TEPSIN: variants seen among roughly 807,000 people sequenced by gnomAD.
The protein encoded by TEPSIN is AP-4 complex accessory subunit tepsin.
A neutral mutation model predicts 48.5 loss-of-function variants in TEPSIN; 50 were observed. That is an observed-to-expected ratio of 1.03 (90% CI 0.82 to 1.31). The LOEUF is 1.31. TEPSIN is among the 50% of genes most tolerant of loss of function. TEPSIN has a pLI of 0.00. For missense variants in TEPSIN, 838 were observed against 815.9 expected (o/e 1.03, Z -0.33); for synonymous variants, 392 against 358.8 (o/e 1.09, Z -1.05).
Position 81,228,889 on chromosome 17 carries a change from A to G in TEPSIN, c.*39T>C. On this transcript the variant is annotated 3_prime_UTR_variant, in exon 13 of 13. Transcript: ENST00000637944. Reference sequence around the variant, plus strand: ...TCAGGAAGCACAGACCGCCCCAGACAGCAGCTGAAGCTGAAGACTCCAGGG... The same window carrying G: ...TCAGGAAGCACAGACCGCCCCAGACGGCAGCTGAAGCTGAAGACTCCAGGG... The G allele has an allele frequency of 6.2e-7, 1 of 1,609,178 alleles. No individual in the cohort carries two copies. The highest frequency in any genetic ancestry group is 8.5e-7 in the Non-Finnish European group (1 of 1,178,862).
At chr17:81,232,155 C>T (rs2062627695) in intron 8 of TEPSIN, 134 bp from the exon 9 acceptor site, 2 of 1,331,240 alleles carry the variant, frequency 1.5e-6, no homozygotes, top group African/African-American at 1.5e-5. Flanking sequence ...TTGGCTCCAG[C>T]TTCAGCAAAC....
chr17:81,232,161 C>G, intron 8 of TEPSIN, 140 bp from the exon 9 acceptor site: 1 of 1,322,958 alleles, frequency 7.6e-7, no homozygotes, highest in African/African-American at 1.5e-5. Context: ...CCAGCTTCAG[C>G]AAACACCAGC....
Position 81,230,495 on chromosome 17 carries a change from C to A in TEPSIN, c.1233+49G>T. 1 of 1,602,904 alleles carries A rather than the reference C, an allele frequency of 6.2e-7. No individual in the cohort carries two copies. Among genetic ancestry groups the A allele is most frequent in the Non-Finnish European group, 8.5e-7 (1 of 1,176,802 alleles). On this transcript the variant is annotated intron_variant, in intron 12 of 12. Coordinates refer to ENST00000637944, the MANE Select transcript of TEPSIN (RefSeq NM_001363764.2). The surrounding 1 kb of genome is among the most constrained non-coding windows in gnomAD (Gnocchi z 4.2). ...TGGCCGTGGACTGCAGCGTATCTCC[C>A]ACTGTACCCTTGGACCCCGGTGTGC...
rs1236132928 is a variant in TEPSIN at position 81,230,208 on chromosome 17, G to C, written c.1233+336C>G. ...TGAGCTGTGTCATGGGTGGCAAACT[G>C]CATGTGCAGTCAGGGAGGGCTTCCT... On this transcript the variant is annotated intron_variant, in intron 12 of 12. Coordinates refer to ENST00000637944, the MANE Select transcript of TEPSIN (RefSeq NM_001363764.2). This position sits in a 1 kb window ranked among gnomAD's most constrained non-coding sequence, Gnocchi z 4.2. 1 of 327,736 alleles carries C rather than the reference G, an allele frequency of 3.1e-6. No homozygotes were observed. The highest frequency in any genetic ancestry group is 7.1e-5 in the East Asian group (1 of 14,096). The allele number at this position is 327,736 out of a possible 1,614,324, so 20.3% of individuals were successfully genotyped here.
intron 4 of TEPSIN, among the ~76,000 whole-genome samples, chr17:81,235,309 C>T (rs900919011): frequency 4.6e-5 from 7 of 152,206 alleles, no homozygotes; most frequent in Admixed American, 2.0e-4. Context: ...CTCTTTCTGA[C>T]GCTCTGCGCG....
chr17:81,233,869 C>T lies in TEPSIN; in HGVS notation c.375+112G>A, dbSNP rs1259117491. The T allele has an allele frequency of 3.6e-6, 5 of 1,386,066 alleles. No individual in the cohort carries two copies. Among genetic ancestry groups the T allele is most frequent in the East Asian group, 5.0e-5 (2 of 39,794 alleles). The allele number at this position is 1,386,066 out of a possible 1,614,324, so 85.9% of individuals were successfully genotyped here. On this transcript the variant is annotated intron_variant, in intron 5 of 12. Transcript: ENST00000637944. The surrounding 1 kb of genome is among the most constrained non-coding windows in gnomAD (Gnocchi z 5.8). ...TGTGTCCACCAGCAAGGAGCAGAGGCAGGGGTCCCGGATGGGAGAACTGCA... is the reference window on the plus strand; with the variant it reads ...TGTGTCCACCAGCAAGGAGCAGAGGTAGGGGTCCCGGATGGGAGAACTGCA...
In TEPSIN at chr17:81,233,655, C is replaced by A. The variant is rs144199126; in HGVS notation, c.437G>T (p.Gly146Val). 17,420 of 1,601,156 alleles carry A rather than the reference C, an allele frequency of 0.011. 134 individuals are homozygous for A. Among genetic ancestry groups the A allele is most frequent in the Middle Eastern group, 0.022 (132 of 5,972 alleles). ...TCACCTACCTGTGGCAGGCGGGGTCCCCAGAGGCTGGGAGGGAGCCAGCGG... is the reference window on the plus strand; with the variant it reads ...TCACCTACCTGTGGCAGGCGGGGTCACCAGAGGCTGGGAGGGAGCCAGCGG... ...VLPLAPSQPL[G>V]TPPATGMGSQ... The change falls in exon 6 of 13, where the codon GGG becomes GTG. Residue 146 changes from glycine (G) to valine (V), a missense_variant. Gly to Val is a moderately radical substitution (Grantham distance 109, BLOSUM62 -3). Coordinates refer to ENST00000637944, the MANE Select transcript of TEPSIN (RefSeq NM_001363764.2). This position sits in a 1 kb window ranked among gnomAD's most constrained non-coding sequence, Gnocchi z 5.8.
chr17:81,239,029 G>A lies in TEPSIN; in HGVS notation c.5C>T (p.Ala2Val), dbSNP rs2062779033. The A allele has an allele frequency of 6.7e-7, 1 of 1,493,060 alleles. No individual in the cohort carries two copies. Among genetic ancestry groups the A allele is most frequent in the Non-Finnish European group, 8.9e-7 (1 of 1,126,298 alleles). The allele number at this position is 1,493,060 out of a possible 1,614,324, so 92.5% of individuals were successfully genotyped here. M[A>V]AAPPLRDRLS... ...GCGGTCCCGTAGCGGCGGCGCGGCA[G>A]CCATGATCCAGGTCCCCTCCCGGTC... The change falls in exon 1 of 13, where the codon GCT (alanine) becomes GTT (valine). Residue 2 changes from alanine to valine, a missense_variant. Ala to Val is a moderately conservative substitution (Grantham distance 64, BLOSUM62 0). Transcript: ENST00000637944.
chr17:81,231,820 C>T, intron 9 of TEPSIN, 27 bp downstream of exon 9: 1 of 1,611,040 alleles, frequency 6.2e-7, no homozygotes, highest in Non-Finnish European at 8.5e-7. Flanking sequence ...CGAGACCTCT[C>T]CCACATATCT....
In TEPSIN at chr17:81,234,497, C is replaced by T. The variant is rs1170837801; in HGVS notation, c.308-449G>A. Among the ~76,000 whole-genome samples the T allele has an allele frequency of 2.0e-5, 3 of 152,102 alleles. No homozygotes were observed. The highest frequency in any genetic ancestry group is 7.2e-5 in the African/African-American group (3 of 41,398). ...GCTCCCCTGCTCTGAGAGTTCCTGT[C>T]ATGATGAACTGGGGCTTCTTTCCTT... On this transcript the variant is annotated intron_variant, in intron 4 of 12. Coordinates refer to ENST00000637944, the MANE Select transcript of TEPSIN (RefSeq NM_001363764.2). The surrounding 1 kb of genome is among the most constrained non-coding windows in gnomAD (Gnocchi z 5.4).
Position 81,233,375 on chromosome 17 carries a change from A to G in TEPSIN, c.526+57T>C. 2 of 1,582,268 alleles carry G rather than the reference A, an allele frequency of 1.3e-6. No individual in the cohort carries two copies. On this transcript the variant is annotated intron_variant, in intron 7 of 12. Coordinates refer to ENST00000637944, the MANE Select transcript of TEPSIN (RefSeq NM_001363764.2). The surrounding 1 kb of genome is among the most constrained non-coding windows in gnomAD (Gnocchi z 5.8). ...GGGGCGGCATGGTCCGGCCCCCACC[A>G]CCTCCTCATCCCCACACCCTGAGAT... is the stretch of plus-strand genomic sequence containing the variant.
Position 81,239,048 on chromosome 17 carries a change from C to G in TEPSIN, c.-15G>C, listed in dbSNP as rs1567913366. The G allele has an allele frequency of 2.0e-6, 3 of 1,486,400 alleles. No homozygotes were observed. The highest frequency in any genetic ancestry group is 2.7e-6 in the Non-Finnish European group (3 of 1,124,158). The allele number at this position is 1,486,400 out of a possible 1,614,324, so 92.1% of individuals were successfully genotyped here. Reference sequence around the variant, plus strand: ...GCGGCAGCCATGATCCAGGTCCCCTCCCGGTCTGCCCCGCTTCCGCCAGGC... The same window carrying G: ...GCGGCAGCCATGATCCAGGTCCCCTGCCGGTCTGCCCCGCTTCCGCCAGGC... On this transcript the variant is annotated 5_prime_UTR_variant, in exon 1 of 13. Coordinates refer to ENST00000637944, the MANE Select transcript of TEPSIN (RefSeq NM_001363764.2).
At chr17:81,232,176 T>G in intron 8 of TEPSIN, 139 bp downstream of exon 8, 1 of 1,305,594 alleles carries the variant, frequency 7.7e-7, no homozygotes, top group Non-Finnish European at 1.0e-6. Context: ...ACCAGCCCCA[T>G]GGGCATGTGC....
At chr17:81,232,079 A>T in intron 8 of TEPSIN, 58 bp from the exon 9 acceptor site, 2 of 1,562,260 alleles carry the variant, frequency 1.3e-6, no homozygotes. Context: ...CCCCATGCCC[A>T]CCTCCCGGGG....
chr17:81,238,145 CG>C, intron 1 of TEPSIN: 3 of 985,544 alleles, frequency 3.0e-6, no homozygotes, highest in Non-Finnish European at 1.2e-6. Context: ...GCCTTTCGGT[CG>C]GAAGGGCCGA....
rs1720362324 is a variant in TEPSIN at position 81,228,395 on chromosome 17, T to C, written c.*533A>G. 1 of 170,418 alleles carries C rather than the reference T, an allele frequency of 5.9e-6. No individual in the cohort carries two copies. Among genetic ancestry groups the C allele is most frequent in the African/African-American group, 2.4e-5 (1 of 41,498 alleles). 10.6% of individuals were successfully genotyped at this position (170,418 alleles called of 1,614,324 possible). On this transcript the variant is annotated 3_prime_UTR_variant, in exon 13 of 13. Coordinates refer to ENST00000637944, the MANE Select transcript of TEPSIN (RefSeq NM_001363764.2). ...TCGTGTGTAGGAAGCAATTACAGCC[T>C]AAAGGAGCAGGTGAGAGCCAGGGAA...
intron 4 of TEPSIN, among the ~76,000 whole-genome samples, chr17:81,235,396 CCCA>C (rs2062703410): frequency 1.3e-5 from 2 of 152,218 alleles, no homozygotes; most frequent in Non-Finnish European, 2.9e-5. Flanking sequence ...GCATCTGGCA[CCCA>C]CTTTCCTCAC....
intron 9 of TEPSIN, 26 bp downstream of exon 9, chr17:81,231,821 C>T: frequency 6.2e-7 from 1 of 1,611,166 alleles, no homozygotes; most frequent in Non-Finnish European, 8.5e-7. Context: ...GAGACCTCTC[C>T]CACATATCTG....
rs532845881 is a variant in TEPSIN at position 81,237,125 on chromosome 17, G to A, written c.122-54C>T. On this transcript the variant is annotated intron_variant, in intron 2 of 12. Coordinates refer to ENST00000637944, the MANE Select transcript of TEPSIN (RefSeq NM_001363764.2). ...GAGATGATGAGGGCTGCGCCAGGCC[G>A]CAGGGAGACCAGGCCATGGGGCCTC... The A allele has an allele frequency of 5.5e-4, 831 of 1,511,532 alleles. 9 individuals are homozygous for A. Among genetic ancestry groups the A allele is most frequent in the South Asian group, 2.4e-3 (203 of 83,286 alleles). 93.6% of individuals were successfully genotyped at this position (1,511,532 alleles called of 1,614,324 possible). A position where few individuals can be genotyped will look rare whatever the true frequency, so the allele number is the denominator to read the frequency against.
Sources: gnomAD v4.1 joint callset for allele counts (sites outside exome capture counted in the v4.1 genomes callset) on GRCh38, gnomAD v4.1.1 for gene constraint, Gnocchi (gnomAD v3.1) non-coding constraint, MANE v1.5 for transcripts, NCBI Gene and HGNC (gene_info 2026-07-23, HGNC 2026-07-21) for gene names.